CTNND2: variants seen among roughly 807,000 people sequenced by gnomAD.
CTNND2 encodes the protein catenin delta 2.
A neutral mutation model predicts 144.4 loss-of-function variants in CTNND2; 22 were observed. The observed-to-expected ratio is 0.15, with a 90% confidence interval of 0.11 to 0.22. The LOEUF (loss-of-function observed/expected upper bound fraction) is 0.22. Among genes scored for constraint, CTNND2 ranks in the 10% least tolerant of loss-of-function variants. The pLI is 1.00. For missense variants in CTNND2, 1,353 were observed against 1,618.8 expected, an observed-to-expected ratio of 0.84 and a Z score of 2.82; for synonymous variants, 751 against 695.6, an observed-to-expected ratio of 1.08 and a Z score of -1.25.
chr5:11,127,739 C>G (rs952120831), intron 12 of CTNND2, among the ~76,000 whole-genome samples: 1 of 152,206 alleles, frequency 6.6e-6, no homozygotes, highest in Admixed American at 6.5e-5. Flanking sequence ...CACAGGTTCA[C>G]AGACGGAGAG....
chr5:11,462,300 T>TTG (rs1766289471), intron 3 of CTNND2, among the ~76,000 whole-genome samples: 1 of 152,172 alleles, frequency 6.6e-6, no homozygotes, highest in African/African-American at 2.4e-5. Context: ...GGCATAGGAC[T>TTG]TGGGGGAGCT....
rs112645224 is a variant in CTNND2 at position 11,307,105 on chromosome 5, C to CTT, written c.1628+39265_1628+39266dup. Among the ~76,000 whole-genome samples, 487 of 146,820 alleles carry CTT rather than the reference C, an allele frequency of 3.3e-3. 4 individuals are homozygous for CTT. The highest frequency in any genetic ancestry group is 0.012 in the African/African-American group (464 of 40,344). On this transcript the variant is annotated intron_variant, in intron 9 of 21. Coordinates refer to ENST00000304623, the MANE Select transcript of CTNND2 (RefSeq NM_001332.4). The stretch of plus-strand genomic sequence containing the variant: ...TTTGCTCAAAGTGTGATCCCAAAGC[C>CTT]TTTTTTTTTTTCTGAATTACCTTCA...
intron 11 of CTNND2, among the ~76,000 whole-genome samples, chr5:11,160,503 G>A (rs1758663089): frequency 6.6e-6 from 1 of 152,158 alleles, no homozygotes; most frequent in African/African-American, 2.4e-5. Flanking sequence ...TTTAAAAGGA[G>A]ATGTTCTAGA....
chr5:11,709,840 T>C (rs1180738399), intron 2 of CTNND2, among the ~76,000 whole-genome samples: 3 of 152,186 alleles, frequency 2.0e-5, no homozygotes, highest in Non-Finnish European at 4.4e-5. Context: ...TATAGTGAAA[T>C]TGTCCTTTAA....
chr5:11,072,326 A>T (rs2907101), intron 16 of CTNND2, among the ~76,000 whole-genome samples: 114,001 of 152,218 alleles, frequency 0.75, 43,358 homozygotes, highest in East Asian at 0.92. Context: ...GAAGTTCAGT[A>T]GCCTACATCA....
intron 2 of CTNND2, among the ~76,000 whole-genome samples, chr5:11,633,679 G>A (rs1318611558): frequency 4.0e-5 from 6 of 151,802 alleles, no homozygotes; most frequent in Non-Finnish European, 7.4e-5. Context: ...TGGAGGCTAA[G>A]GCAGGAGAAT....
At chr5:11,216,245 T>C (rs955476519) in intron 10 of CTNND2, among the ~76,000 whole-genome samples, 1 of 152,142 alleles carries the variant, frequency 6.6e-6, no homozygotes, top group Admixed American at 6.6e-5. Flanking sequence ...CCCTATAAGA[T>C]GTCAATGTCC....
At chr5:11,616,190 T>C (rs1388052018) in intron 2 of CTNND2, among the ~76,000 whole-genome samples, 3 of 152,184 alleles carry the variant, frequency 2.0e-5, no homozygotes. Flanking sequence ...AATCTCCTTC[T>C]CTCCTCTGGG....
At position 11,903,464 on chromosome 5, in the gene CTNND2, T is replaced by G; in HGVS notation, c.37+353A>C. 2.7e-6 allele frequency: 2 copies of G among 740,630 alleles called. No homozygotes were observed. The highest frequency in any genetic ancestry group is 1.7e-6 in the Non-Finnish European group (1 of 583,948). 45.9% of individuals were successfully genotyped at this position (740,630 alleles called of 1,614,324 possible). ...CGTCTCCTCCCGTATATTAGGGACG[T>G]CATGAATGCACCGAGTATGTTCTCA... On this transcript the variant is annotated intron_variant, in intron 1 of 21. Transcript: ENST00000304623. The surrounding 1 kb of genome is among the most constrained non-coding windows in gnomAD (Gnocchi z 5.4).
In CTNND2 at chr5:11,667,878, C is replaced by T. The variant is rs1783662206; in HGVS notation, c.174+64258G>A. On this transcript the variant is annotated intron_variant, in intron 2 of 21. Coordinates refer to ENST00000304623, the MANE Select transcript of CTNND2 (RefSeq NM_001332.4). The stretch of plus-strand genomic sequence containing the variant: ...AGAATGGTATTGCCTAGGTTTTATT[C>T]TAGGTTTTTATGGTTTTAGGTCTTA... 2.0e-5 allele frequency among the ~76,000 whole-genome samples: 3 copies of T among 152,270 alleles called. No homozygotes were observed. In the South Asian group the frequency reaches 6.2e-4, roughly 32 times the overall value.
At chr5:11,420,553 AG>A (rs1243603336) in intron 3 of CTNND2, among the ~76,000 whole-genome samples, 1 of 152,182 alleles carries the variant, frequency 6.6e-6, no homozygotes, top group Non-Finnish European at 1.5e-5. Context: ...AATGGTGAAG[AG>A]TGATCCCCCA....
At chr5:11,878,573 T>C (rs968441889) in intron 1 of CTNND2, among the ~76,000 whole-genome samples, 1 of 152,218 alleles carries the variant, frequency 6.6e-6, no homozygotes, top group African/African-American at 2.4e-5. Flanking sequence ...GTTCTAAGGC[T>C]TGAACAGCTG....
chr5:11,263,442 G>A (rs1745117156), intron 9 of CTNND2, among the ~76,000 whole-genome samples: 1 of 152,002 alleles, frequency 6.6e-6, no homozygotes, highest in Non-Finnish European at 1.5e-5. Flanking sequence ...CTCATGAAAT[G>A]ATAGTCAATA....
intron 16 of CTNND2, among the ~76,000 whole-genome samples, chr5:11,079,078 C>T (rs111327134): frequency 0.012 from 1,859 of 149,952 alleles, 44 homozygotes; most frequent in African/African-American, 0.044. Context: ...AAAGTGGCTG[C>T]TTCCCAGGTC....
intron 2 of CTNND2, among the ~76,000 whole-genome samples, chr5:11,645,358 T>C (rs1029339482): frequency 6.6e-6 from 1 of 152,130 alleles, no homozygotes; most frequent in Non-Finnish European, 1.5e-5. Context: ...GTGAAACAGG[T>C]CCATATAACA....
chr5:11,166,855 C>T (rs190850175), intron 11 of CTNND2, among the ~76,000 whole-genome samples: 12 of 152,074 alleles, frequency 7.9e-5, no homozygotes, highest in Admixed American at 2.0e-4. Context: ...TTTGAGAGTC[C>T]TTCTAGATGG....
intron 3 of CTNND2, among the ~76,000 whole-genome samples, chr5:11,455,470 A>G (rs1271124115): frequency 2.6e-5 from 4 of 152,132 alleles, no homozygotes; most frequent in African/African-American, 9.6e-5. Context: ...GTGAAGCACA[A>G]ACAGAGCTGG....
intron 3 of CTNND2, among the ~76,000 whole-genome samples, chr5:11,416,271 C>T (rs931979552): frequency 2.0e-5 from 3 of 151,316 alleles, no homozygotes; most frequent in Admixed American, 2.0e-4. Flanking sequence ...TTTTATGACA[C>T]AACAGAAAAA....
At chr5:11,438,778 C>A (rs989587532) in intron 3 of CTNND2, among the ~76,000 whole-genome samples, 3 of 152,086 alleles carry the variant, frequency 2.0e-5, no homozygotes, top group African/African-American at 7.2e-5. Context: ...TTAATCCCTT[C>A]CGAAAGACAT....
Sources: gnomAD v4.1 joint callset for allele counts (sites outside exome capture counted in the v4.1 genomes callset) on GRCh38, gnomAD v4.1.1 for gene constraint, Gnocchi (gnomAD v3.1) non-coding constraint, MANE v1.5 for transcripts, NCBI Gene and HGNC (gene_info 2026-07-23, HGNC 2026-07-21) for gene names.